Variants in TMEM231 observed in about 807,000 individuals in gnomAD.
TMEM231 encodes transmembrane protein 231.
A neutral mutation model predicts 38.5 loss-of-function variants in TMEM231; 40 were observed. The ratio of observed to expected loss-of-function variants is 1.04; its 90% CI spans 0.81 to 1.35. The LOEUF is 1.35. Among genes scored for constraint, TMEM231 ranks in the 40% most tolerant of loss-of-function variants. The pLI is 0.00. For missense variants in TMEM231, 420 were observed against 416.9 expected, an observed-to-expected ratio of 1.01 and a Z score of -0.07; for synonymous variants, 199 against 181.7, an observed-to-expected ratio of 1.10 and a Z score of -0.77.
chr16:75,544,232 C>A (rs995657680), intron 4 of TMEM231, among the ~76,000 whole-genome samples: 2 of 152,190 alleles, frequency 1.3e-5, no homozygotes, highest in African/African-American at 2.4e-5. Flanking sequence ...CAAATAAACA[C>A]ACAAACACAT....
intron 2 of TMEM231, chr16:75,546,162 C>T (rs1048881388): frequency 1.5e-5 from 22 of 1,481,590 alleles, no homozygotes; most frequent in Middle Eastern, 1.7e-4. Flanking sequence ...CATATCTGGG[C>T]CTTTCAAATG....
intron 2 of TMEM231, among the ~76,000 whole-genome samples, chr16:75,553,621 CAAAA>C (rs60225459): frequency 1.3e-4 from 12 of 91,610 alleles, no homozygotes; most frequent in Non-Finnish European, 1.7e-4. Context: ...AACTCTGTTG[CAAAA>C]AAAAAAAAAA....
rs1236301623 is a variant in TMEM231, at chr16:75,536,756, GT to G, written c.*3237del. On this transcript the variant is annotated 3_prime_UTR_variant, in exon 7 of 7. Coordinates refer to ENST00000258173, the MANE Select transcript of TMEM231 (RefSeq NM_001077418.3). ...CCAGCAACAATGATTTCTACACAAG[GT>G]TTATAAAAGTGTTGTTTGTGATACT... The G allele has an allele frequency of 6.6e-6, 1 of 152,140 alleles. No individual in the cohort carries two copies. The highest frequency in any genetic ancestry group is 1.5e-5 in the Non-Finnish European group (1 of 68,028). 9.4% of individuals were successfully genotyped at this position (152,140 alleles called of 1,614,324 possible).
chr16:75,550,675 T>C (rs546304204), intron 2 of TMEM231, among the ~76,000 whole-genome samples: 14 of 152,110 alleles, frequency 9.2e-5, no homozygotes, highest in Non-Finnish European at 1.5e-4. Context: ...TTTGTTTGGT[T>C]TCTGTTTTGT....
At position 75,537,347 on chromosome 16, in the gene TMEM231, G is replaced by C. The variant is rs2080570742; in HGVS notation, c.*2647C>G. The C allele has an allele frequency of 6.6e-6, 1 of 151,828 alleles. No individual in the cohort carries two copies. Among genetic ancestry groups the C allele is most frequent in the African/African-American group, 2.4e-5 (1 of 41,362 alleles). The allele number at this position is 151,828 out of a possible 1,614,324, so 9.4% of individuals were successfully genotyped here. ...TAGCCTTACATGATGGAATATTAGG[G>C]GGGCCTCATCTGACTTAAGCCGAAA... On this transcript the variant is annotated 3_prime_UTR_variant, in exon 7 of 7. Coordinates refer to ENST00000258173, the MANE Select transcript of TMEM231 (RefSeq NM_001077418.3).
At chr16:75,547,677 G>C (rs1158368599) in intron 2 of TMEM231, among the ~76,000 whole-genome samples, 1 of 152,182 alleles carries the variant, frequency 6.6e-6, no homozygotes, top group African/African-American at 2.4e-5. Flanking sequence ...TACTCAGGAG[G>C]CTGAGGCAGG....
intron 2 of TMEM231, among the ~76,000 whole-genome samples, chr16:75,551,607 T>C (rs1245692441): frequency 6.6e-6 from 1 of 152,188 alleles, no homozygotes; most frequent in South Asian, 2.1e-4. Flanking sequence ...TTTAAAAAGT[T>C]ACTAAAAGAG....
At chr16:75,554,258 C>G (rs552347832) in intron 2 of TMEM231, among the ~76,000 whole-genome samples, 15 of 152,158 alleles carry the variant, frequency 9.9e-5, no homozygotes, top group Admixed American at 5.2e-4. Context: ...TAGTCAAAAC[C>G]TTGTTCATTG....
rs3743601 is a variant in TMEM231 at position 75,556,194 on chromosome 16, G to C, written c.16C>G (p.Leu6Val). The C allele has an allele frequency of 0.094, 139,230 of 1,485,022 alleles. 19,435 individuals carry two copies. Among genetic ancestry groups the C allele is most frequent in the East Asian group, 0.72 (28,995 of 40,414 alleles). The allele number at this position is 1,485,022 out of a possible 1,614,324, so 92.0% of individuals were successfully genotyped here. A position where few individuals can be genotyped will look rare whatever the true frequency, so the allele number is the denominator to read the frequency against. Residue 6 changes from leucine to valine, a missense_variant, in exon 1 of 7, where the codon CTC becomes GTC. Physicochemically the swap from Leu to Val is conservative, Grantham distance 32. Coordinates refer to ENST00000258173, the MANE Select transcript of TMEM231 (RefSeq NM_001077418.3). The stretch of plus-strand genomic sequence containing the variant: ...CTGCGCTCGACCGGGTGAGAGAAGA[G>C]CTCATAGAGCGCCATGAGCACCGCT... MALYE[L>V]FSHPVERSYR...
At chr16:75,551,563 A>C (rs1343179387) in intron 2 of TMEM231, among the ~76,000 whole-genome samples, 2 of 152,252 alleles carry the variant, frequency 1.3e-5, no homozygotes, top group Non-Finnish European at 2.9e-5. Context: ...AAACATTTCC[A>C]ATTAAACTAT....
At position 75,545,814 on chromosome 16, in the gene TMEM231, G is replaced by A. The variant is rs1000442477; in HGVS notation, c.438+12C>T. On this transcript the variant is annotated intron_variant, in intron 3 of 6. Transcript: ENST00000258173. ...ACAAGGGAGAGGACAGCCTCCCAGC[G>A]GACTGACTCACGTGTAATCGATAGG... 58 of 1,087,978 alleles carry A rather than the reference G, an allele frequency of 5.3e-5. No individual in the cohort carries two copies. The African/African-American group carries it at 7.8e-4, about 15-fold the overall frequency. The allele number at this position is 1,087,978 out of a possible 1,614,324, so 67.4% of individuals were successfully genotyped here.
At chr16:75,553,461 A>T (rs2080782352) in intron 2 of TMEM231, among the ~76,000 whole-genome samples, 1 of 151,478 alleles carries the variant, frequency 6.6e-6, no homozygotes, top group Non-Finnish European at 1.5e-5. Flanking sequence ...TCCACTAAAA[A>T]ACACAAAAAA....
In TMEM231 at chr16:75,545,339, G is replaced by A. The variant is rs1350894031; in HGVS notation, c.582+13C>T. 6.2e-7 allele frequency: 1 copy of A among 1,607,154 alleles called. No individual in the cohort carries two copies. The highest frequency in any genetic ancestry group is 8.5e-7 in the Non-Finnish European group (1 of 1,175,346). ...GAGAAACAAAGGAGCTGGACAATGA[G>A]AAGCGCTCTTACGTTGTATCGGGCA... On this transcript the variant is annotated intron_variant, in intron 4 of 6. Transcript: ENST00000258173.
rs1488321187 is a variant in TMEM231 at position 75,539,884 on chromosome 16, G to A, written c.*110C>T. 8.8e-6 allele frequency: 8 copies of A among 912,116 alleles called. No individual in the cohort carries two copies. Among genetic ancestry groups the A allele is most frequent in the Non-Finnish European group, 1.3e-5 (8 of 616,700 alleles). 56.5% of individuals were successfully genotyped at this position (912,116 alleles called of 1,614,324 possible). On this transcript the variant is annotated 3_prime_UTR_variant, in exon 7 of 7. Coordinates refer to ENST00000258173, the MANE Select transcript of TMEM231 (RefSeq NM_001077418.3). ...AAGAACCGTTGTCTCTGAGGGAAAA[G>A]CACACAAGCCCGCAGGTGTCCGCTG...
chr16:75,551,964 A>T (rs2080767537), intron 2 of TMEM231, among the ~76,000 whole-genome samples: 1 of 151,180 alleles, frequency 6.6e-6, no homozygotes, highest in Non-Finnish European at 1.5e-5. Flanking sequence ...TTCATCTCAA[A>T]AAAAAAAAAG....
chr16:75,555,724 G>T, intron 2 of TMEM231, 80 bp downstream of exon 2: 2 of 1,369,264 alleles, frequency 1.5e-6, no homozygotes, highest in Non-Finnish European at 1.9e-6. Context: ...GGCCGGGGCC[G>T]CTCGCCCCAC....
At position 75,538,901 on chromosome 16, in the gene TMEM231, G is replaced by A. The variant is rs2151696450; in HGVS notation, c.*1093C>T. ...AATCCACTGGACTGCTTGGTATTCT[G>A]CTAGTGGCCAGGCTGGACTGGCCTG... is the stretch of plus-strand genomic sequence containing the variant. On this transcript the variant is annotated 3_prime_UTR_variant, in exon 7 of 7. Coordinates refer to ENST00000258173, the MANE Select transcript of TMEM231 (RefSeq NM_001077418.3). 6.6e-6 allele frequency: 1 copy of A among 152,358 alleles called. No individual in the cohort carries two copies. The highest frequency in any genetic ancestry group is 2.1e-4 in the South Asian group (1 of 4,826). 9.4% of individuals were successfully genotyped at this position (152,358 alleles called of 1,614,324 possible).
chr16:75,542,504 A>G, intron 5 of TMEM231, 98 bp downstream of exon 5: 1 of 1,077,754 alleles, frequency 9.3e-7, no homozygotes, highest in South Asian at 1.3e-5. Flanking sequence ...GGGTTTTGAC[A>G]TTTTCATCAC....
intron 2 of TMEM231, among the ~76,000 whole-genome samples, chr16:75,551,685 G>A (rs928774531): frequency 2.6e-5 from 4 of 152,116 alleles, no homozygotes; most frequent in South Asian, 2.1e-4. Flanking sequence ...AAAATAGGTC[G>A]GGGCAGTGGC....
Sources: allele counts gnomAD v4.1 joint callset (sites outside exome capture counted in the v4.1 genomes callset), GRCh38; gene constraint gnomAD v4.1.1; transcripts MANE v1.5; gene names NCBI Gene and HGNC (gene_info 2026-07-23, HGNC 2026-07-21).